The following BACH2 variants were observed in gnomAD, a reference collection of about 807,000 sequenced individuals.
BACH2 encodes transcription regulator protein BACH2.
Under a neutral mutation model 61.8 loss-of-function variants are expected in BACH2, and 5 were observed. The observed-to-expected ratio is 0.08, with a 90% CI of 0.04 to 0.17. The LOEUF is 0.17. Ranked by LOEUF, BACH2 falls within the 10% of genes least tolerant of loss-of-function variation. BACH2 has a pLI of 1.00. For missense variants in BACH2, 824 were observed against 1,091.1 expected, an observed-to-expected ratio of 0.76 and a Z score of 3.45; for synonymous variants, 446 against 440.1, an observed-to-expected ratio of 1.01 and a Z score of -0.17.
intron 4 of BACH2, among the ~76,000 whole-genome samples, chr6:90,121,293 G>C (rs954335939): frequency 2.6e-5 from 4 of 152,232 alleles, no homozygotes; most frequent in Admixed American, 6.5e-5. Context: ...CTGTTTAATT[G>C]ATTTTTCAAC....
chr6:90,229,492 G>C (rs540963905), intron 3 of BACH2, among the ~76,000 whole-genome samples: 1 of 152,156 alleles, frequency 6.6e-6, no homozygotes, highest in African/African-American at 2.4e-5. Context: ...TGTCTGGGGT[G>C]GAAGCCAGGC....
chr6:89,955,509 G>A (rs899840815), intron 6 of BACH2, among the ~76,000 whole-genome samples: 2 of 152,168 alleles, frequency 1.3e-5, no homozygotes, highest in Non-Finnish European at 2.9e-5. Context: ...TCTAGGTCAA[G>A]GGTTGCTTTG....
intron 4 of BACH2, among the ~76,000 whole-genome samples, chr6:90,111,353 A>C (rs927030589): frequency 6.6e-6 from 1 of 152,202 alleles, no homozygotes; most frequent in Non-Finnish European, 1.5e-5. Flanking sequence ...CAGAGCAGCC[A>C]GATAATCTTT....
At chr6:90,084,938 G>C (rs1481905844) in intron 5 of BACH2, among the ~76,000 whole-genome samples, 1 of 152,064 alleles carries the variant, frequency 6.6e-6, no homozygotes, top group African/African-American at 2.4e-5. Context: ...AGAGGGTAAA[G>C]GTAGTGAAGA....
intron 1 of BACH2, among the ~76,000 whole-genome samples, chr6:90,287,655 C>T (rs928997393): frequency 4.6e-5 from 7 of 152,052 alleles, no homozygotes; most frequent in African/African-American, 1.7e-4. Flanking sequence ...ATCCATTTGC[C>T]TATATTCTCT....
chr6:89,975,859 G>T (rs1227898141), intron 6 of BACH2, among the ~76,000 whole-genome samples: 1 of 152,212 alleles, frequency 6.6e-6, no homozygotes, highest in Admixed American at 6.5e-5. Flanking sequence ...GACAAGATAT[G>T]TGAAATGTTT....
chr6:89,958,155 T>A (rs956405147), intron 6 of BACH2, among the ~76,000 whole-genome samples: 2 of 152,172 alleles, frequency 1.3e-5, no homozygotes, highest in African/African-American at 4.8e-5. Flanking sequence ...TAATTTTATT[T>A]TATTTTTTAG....
At chr6:90,219,612 G>T (rs1388382710) in intron 3 of BACH2, among the ~76,000 whole-genome samples, 1 of 152,156 alleles carries the variant, frequency 6.6e-6, no homozygotes, top group Non-Finnish European at 1.5e-5. Context: ...ACGCCAGAGG[G>T]CCATTTACCA....
intron 5 of BACH2, among the ~76,000 whole-genome samples, chr6:90,075,539 GT>G (rs57189705): frequency 0.075 from 11,400 of 152,060 alleles, 1,199 homozygotes; most frequent in African/African-American, 0.23. Context: ...AAATAAGACT[GT>G]TAACTATGGC....
intron 4 of BACH2, among the ~76,000 whole-genome samples, chr6:90,192,760 T>C (rs997908504): frequency 3.3e-5 from 5 of 152,250 alleles, no homozygotes; most frequent in African/African-American, 1.2e-4. Flanking sequence ...TAAAATTCCC[T>C]TGAGAATATA....
intron 2 of BACH2, among the ~76,000 whole-genome samples, chr6:90,256,125 C>G (rs1770970268): frequency 6.6e-6 from 1 of 152,142 alleles, no homozygotes; most frequent in Non-Finnish European, 1.5e-5. Flanking sequence ...AAAAAAATCT[C>G]ACATAAAACG....
At chr6:90,200,353 A>T (rs1259837364) in intron 4 of BACH2, among the ~76,000 whole-genome samples, 1 of 152,222 alleles carries the variant, frequency 6.6e-6, no homozygotes, top group South Asian at 2.1e-4. Context: ...GAAATGGCAC[A>T]GTACCGAGTA....
At chr6:90,101,335 A>G (rs1782617782) in intron 4 of BACH2, among the ~76,000 whole-genome samples, 2 of 152,184 alleles carry the variant, frequency 1.3e-5, no homozygotes, top group Admixed American at 1.3e-4. Context: ...ACAAAAATGT[A>G]TCCCTATATT....
intron 4 of BACH2, among the ~76,000 whole-genome samples, chr6:90,173,614 G>A (rs1767890214): frequency 6.6e-6 from 1 of 152,056 alleles, no homozygotes; most frequent in African/African-American, 2.4e-5. Flanking sequence ...TGACTTTCTG[G>A]AAAAGACAAA....
At chr6:89,985,758 T>G (rs1449343717) in intron 6 of BACH2, among the ~76,000 whole-genome samples, 1 of 152,154 alleles carries the variant, frequency 6.6e-6, no homozygotes, top group Non-Finnish European at 1.5e-5. Context: ...AAACTGGTGT[T>G]AAAGCAGTTC....
intron 1 of BACH2, among the ~76,000 whole-genome samples, chr6:90,294,299 G>A (rs1772268735): frequency 1.3e-5 from 2 of 152,052 alleles, no homozygotes; most frequent in Admixed American, 1.3e-4. Flanking sequence ...ACGAAAATAC[G>A]GCTCTGCACC....
intron 6 of BACH2, among the ~76,000 whole-genome samples, chr6:89,956,987 A>G (rs1301957217): frequency 1.3e-5 from 2 of 152,236 alleles, no homozygotes; most frequent in Non-Finnish European, 2.9e-5. Flanking sequence ...GGAAACTTAC[A>G]TCTTCAGCAA....
chr6:90,128,883 T>C (rs1691749578), intron 4 of BACH2, among the ~76,000 whole-genome samples: 1 of 152,048 alleles, frequency 6.6e-6, no homozygotes, highest in East Asian at 1.9e-4. Context: ...TATGCAGCCA[T>C]AAAAAATGAT....
intron 1 of BACH2, among the ~76,000 whole-genome samples, chr6:90,295,854 C>T (rs1772344716): frequency 6.6e-6 from 1 of 152,292 alleles, no homozygotes; most frequent in Admixed American, 6.5e-5. Context: ...TCGCCTCTTC[C>T]TGCGACCCTA....
Sources: gnomAD v4.1 joint callset for allele counts (sites outside exome capture counted in the v4.1 genomes callset) on GRCh38, gnomAD v4.1.1 for gene constraint, MANE v1.5 for transcripts, NCBI Gene and HGNC (gene_info 2026-07-23, HGNC 2026-07-21) for gene names.